The following RASAL2 variants were observed in gnomAD, a reference collection of about 807,000 sequenced individuals.
RASAL2 encodes ras GTPase-activating protein nGAP.
RASAL2 carries 58 observed loss-of-function variants against 128.9 expected under a neutral mutation model. The observed-to-expected ratio is 0.45, with a 90% CI of 0.36 to 0.56. The LOEUF (loss-of-function observed/expected upper bound fraction) is 0.56, where lower values mean the gene tolerates loss of function less well. Ranked by LOEUF, RASAL2 falls within the 20% of genes least tolerant of loss-of-function variation. RASAL2 has a pLI of 0.00. For synonymous variants in RASAL2, 561 were observed against 580.8 expected (o/e 0.97, Z 0.49); for missense variants, 1,360 against 1,601.6 (o/e 0.85, Z 2.57).
intron 1 of RASAL2, among the ~76,000 whole-genome samples, chr1:178,178,233 TAAAAC>T (rs1395943401): frequency 2.2e-4 from 33 of 152,214 alleles, no homozygotes; most frequent in Middle Eastern, 3.4e-3. Flanking sequence ...TGTACCAACT[TAAAAC>T]AAAGAGCTTG....
intron 5 of RASAL2, among the ~76,000 whole-genome samples, chr1:178,426,223 A>G (rs1675504205): frequency 6.6e-6 from 1 of 152,224 alleles, no homozygotes; most frequent in Non-Finnish European, 1.5e-5. Flanking sequence ...ATTATTCATA[A>G]TAGGCAAAAA....
rs767305302 is a variant in RASAL2 at position 178,445,566 on chromosome 1, C to A, written c.1531C>A (p.His511Asn). Residue 511 changes from histidine (H) to asparagine (N), a missense_variant, in exon 9 of 18, where the codon CAT (histidine) becomes AAT (asparagine). His to Asn is a moderately conservative substitution (Grantham distance 68). Coordinates refer to ENST00000367649, the MANE Select transcript of RASAL2 (RefSeq NM_170692.4). ...GTCTGAGGTGGATCGTTGTGGAGAG[C>A]ATGATGTCTTGATCTTCAGAGAGAA... ...VMSEVDRCGE[H>N]DVLIFRENTI... 6.2e-7 allele frequency: 1 copy of A among 1,613,830 alleles called. No individual in the cohort carries two copies. Among genetic ancestry groups the A allele is most frequent in the Non-Finnish European group, 8.5e-7 (1 of 1,179,772 alleles).
At chr1:178,216,901 T>G (rs566088329) in intron 1 of RASAL2, among the ~76,000 whole-genome samples, 4 of 152,350 alleles carry the variant, frequency 2.6e-5, no homozygotes, top group Non-Finnish European at 5.9e-5. Flanking sequence ...ATTATAAAAG[T>G]GTTCTGTGGG....
chr1:178,397,801 G>A (rs1673342224), intron 4 of RASAL2, among the ~76,000 whole-genome samples: 1 of 150,550 alleles, frequency 6.6e-6, no homozygotes, highest in East Asian at 2.0e-4. Flanking sequence ...CTTTTGGAGA[G>A]ATGGGATCTT....
chr1:178,420,461 A>G (rs541914398), intron 4 of RASAL2, 50 bp from the exon 5 acceptor site: 2 of 1,256,122 alleles, frequency 1.6e-6, no homozygotes, highest in Admixed American at 2.0e-5. Context: ...GTGGACGAGT[A>G]ACATTCCCTT....
intron 3 of RASAL2, among the ~76,000 whole-genome samples, chr1:178,356,170 C>CAAA (rs34590206): frequency 0.01 from 756 of 73,850 alleles, 20 homozygotes; most frequent in African/African-American, 0.027. Context: ...GACTCTGTCT[C>CAAA]AAAAAAAAAA....
chr1:178,435,786 T>C (rs1676215990), intron 5 of RASAL2, among the ~76,000 whole-genome samples: 1 of 152,108 alleles, frequency 6.6e-6, no homozygotes, highest in Non-Finnish European at 1.5e-5. Flanking sequence ...GAATTATTCT[T>C]ACATGGTGTT....
In RASAL2 at chr1:178,118,297, G is replaced by A. The variant is rs373507829; in HGVS notation, c.202+23603G>A. 3.9e-4 allele frequency among the ~76,000 whole-genome samples: 60 copies of A among 152,142 alleles called. No homozygotes were observed. In the East Asian group the frequency reaches 8.5e-3, roughly 22 times the overall value. ...GGATGGGGAGGAGGTGGGTGGGGAC[G>A]ATTCAAGCTCATTACATTTATTGTA... On this transcript the variant is annotated intron_variant, in intron 1 of 17. Coordinates refer to ENST00000367649, the MANE Select transcript of RASAL2 (RefSeq NM_170692.4).
intron 2 of RASAL2, among the ~76,000 whole-genome samples, chr1:178,290,426 G>A (rs1464299920): frequency 1.3e-5 from 2 of 152,076 alleles, no homozygotes; most frequent in Non-Finnish European, 2.9e-5. Context: ...TTGATGCGGT[G>A]CTTTTCCACA....
intron 1 of RASAL2, among the ~76,000 whole-genome samples, chr1:178,102,496 A>G (rs952703537): frequency 2.0e-5 from 3 of 152,118 alleles, no homozygotes; most frequent in African/African-American, 4.8e-5. Flanking sequence ...AACTGGGACT[A>G]CAGGAGTGTG....
chr1:178,343,075 T>G (rs1669968025), intron 3 of RASAL2, among the ~76,000 whole-genome samples: 1 of 152,216 alleles, frequency 6.6e-6, no homozygotes, highest in Non-Finnish European at 1.5e-5. Context: ...CAACAGAATC[T>G]GTCATGGCTC....
chr1:178,331,279 C>T (rs983004499), intron 3 of RASAL2, among the ~76,000 whole-genome samples: 2 of 152,158 alleles, frequency 1.3e-5, no homozygotes, highest in Non-Finnish European at 2.9e-5. Context: ...CAAGCAAATC[C>T]ACCCGCCTCA....
intron 1 of RASAL2, among the ~76,000 whole-genome samples, chr1:178,210,527 G>T (rs537747347): frequency 6.6e-6 from 1 of 152,260 alleles, no homozygotes; most frequent in Admixed American, 6.5e-5. Context: ...TGACTCATTT[G>T]TTGGCCAAAC....
At chr1:178,411,821 C>T (rs879052062) in intron 4 of RASAL2, 2 of 768,644 alleles carry the variant, frequency 2.6e-6, no homozygotes, top group Non-Finnish European at 4.9e-6. Context: ...TGCAAGGAGC[C>T]AGGTATCACT....
chr1:178,200,136 T>C (rs147639402), intron 1 of RASAL2, among the ~76,000 whole-genome samples: 2 of 152,296 alleles, frequency 1.3e-5, no homozygotes, highest in East Asian at 3.9e-4. Context: ...TCCTATTAGC[T>C]CTGTCCCTCT....
chr1:178,301,763 C>G (rs1276238551), intron 3 of RASAL2, among the ~76,000 whole-genome samples: 1 of 152,072 alleles, frequency 6.6e-6, no homozygotes, highest in Non-Finnish European at 1.5e-5. Context: ...TTCTAGGAAC[C>G]TTTCGCTCTT....
At chr1:178,422,779 G>A (rs538160052) in intron 5 of RASAL2, among the ~76,000 whole-genome samples, 1 of 152,014 alleles carries the variant, frequency 6.6e-6, no homozygotes, top group South Asian at 2.1e-4. Context: ...AAACATTTCT[G>A]TTCTTTTATC....
intron 3 of RASAL2, among the ~76,000 whole-genome samples, chr1:178,310,908 C>T (rs1388945615): frequency 6.6e-6 from 1 of 152,158 alleles, no homozygotes; most frequent in East Asian, 1.9e-4. Context: ...GTCATGGTTA[C>T]TGTTCCCAGT....
intron 2 of RASAL2, among the ~76,000 whole-genome samples, chr1:178,288,719 C>G (rs766459022): frequency 4.8e-4 from 65 of 134,174 alleles, no homozygotes; most frequent in Non-Finnish European, 1.4e-4. Context: ...GGTGCAATCT[C>G]AGCTCACTGC....
Sources: gnomAD v4.1 joint callset for allele counts (sites outside exome capture counted in the v4.1 genomes callset) on GRCh38, gnomAD v4.1.1 for gene constraint, MANE v1.5 for transcripts, NCBI Gene and HGNC (gene_info 2026-07-23, HGNC 2026-07-21) for gene names.